WDR90: variants seen among roughly 807,000 people sequenced by gnomAD.
WDR90 encodes the protein WD repeat domain 90.
In WDR90, 238 loss-of-function variants were observed where a neutral mutation model predicts 195.2. The observed-to-expected ratio is 1.22, with a 90% CI of 1.10 to 1.36. The LOEUF is 1.36. Among genes scored for constraint, WDR90 ranks in the 40% most tolerant of loss-of-function variants. The pLI is 0.00. For synonymous variants in WDR90, 1,265 were observed against 1,052.4 expected, an observed-to-expected ratio of 1.20 and a Z score of -3.91; for missense variants, 2,734 against 2,439.5, an observed-to-expected ratio of 1.12 and a Z score of -2.54.
chr16:657,286 G>T lies in WDR90; in HGVS notation c.2473+65G>T, dbSNP rs932343348. On this transcript the variant is annotated intron_variant, in intron 20 of 40. Transcript: ENST00000293879. ...CGGGGGAGGCCTGGATCTGGTGCAG[G>T]CCCACACCTGGACACACATGCCGGT... The T allele has an allele frequency of 3.4e-6, 5 of 1,471,068 alleles. No individual in the cohort carries two copies. The African/African-American group carries it at 5.6e-5, about 17-fold the overall frequency. The allele number at this position is 1,471,068 out of a possible 1,614,324, so 91.1% of individuals were successfully genotyped here.
At position 653,961 on chromosome 16, in the gene WDR90, C is replaced by T. The variant is rs191444497; in HGVS notation, c.1437+158C>T. ...GCTCCCTGCACTCTGGTGTTCATGCCGCCCCCGTGCCCTGCACAAAAACCA... is the reference window on the plus strand; with the variant it reads ...GCTCCCTGCACTCTGGTGTTCATGCTGCCCCCGTGCCCTGCACAAAAACCA... On this transcript the variant is annotated intron_variant, in intron 13 of 40. Transcript: ENST00000293879. 116 of 899,832 alleles carry T rather than the reference C, an allele frequency of 1.3e-4. 1 individual carries two copies. The highest frequency in any genetic ancestry group is 4.6e-4 in the South Asian group (26 of 56,026). The allele number at this position is 899,832 out of a possible 1,614,324, so 55.7% of individuals were successfully genotyped here.
At chr16:651,398 C>G in intron 7 of WDR90, 132 bp downstream of exon 7, 1 of 1,198,728 alleles carries the variant, frequency 8.3e-7, no homozygotes, top group Non-Finnish European at 1.2e-6. Flanking sequence ...CAGGGAAGCC[C>G]GTAGGTTGTC....
At chr16:659,224 A>C in intron 25 of WDR90, 21 bp from the exon 26 acceptor site, 1 of 1,611,156 alleles carries the variant, frequency 6.2e-7, no homozygotes, top group Non-Finnish European at 8.5e-7. Context: ...CCCAAACATC[A>C]CAGGGCTGCT....
In WDR90 at chr16:666,609, C is replaced by T. The variant is rs758340394; in HGVS notation, c.4884+11C>T. 5.7e-5 allele frequency: 92 copies of T among 1,611,826 alleles called. 1 individual carries two copies. The South Asian group carries it at 9.3e-4, about 16-fold the overall frequency. On this transcript the variant is annotated intron_variant, in intron 38 of 40. Coordinates refer to ENST00000293879, the MANE Select transcript of WDR90 (RefSeq NM_145294.5). ...CCTGCCACCACGGAGGTAAACCATG[C>T]TCCTGGCACTGTGGGTGGGGCCGGT...
chr16:658,198 A>G lies in WDR90; in HGVS notation c.2620A>G (p.Ile874Val), dbSNP rs1048349944. 6.8e-6 allele frequency: 11 copies of G among 1,610,366 alleles called. No homozygotes were observed. The highest frequency in any genetic ancestry group is 3.3e-5 in the South Asian group (3 of 91,040). The change falls in exon 22 of 41, where the codon ATC becomes GTC. Residue 874 changes from isoleucine to valine, a missense_variant. Ile to Val is a conservative substitution (Grantham distance 29, BLOSUM62 3). Coordinates refer to ENST00000293879, the MANE Select transcript of WDR90 (RefSeq NM_145294.5). ...CTACCCCCAGCTGCTGCGAGTTGAC[A>G]TCGGCACTCTGGACCTGGCCAGCAG... ...ASLDELLRVD[I>V]GTLDLASSRL...
In WDR90 at chr16:665,508, GAC is replaced by G. The variant is rs1434770359; in HGVS notation, c.4312-164_4312-163del. ...TGGACTCACCCAGATCTAGTGCAGG[GAC>G]ACACACGGGGGCCGGCATTGCTCCT... On this transcript the variant is annotated intron_variant, in intron 34 of 40. Transcript: ENST00000293879. The G allele has an allele frequency of 2.2e-5, 22 of 1,009,312 alleles. No homozygotes were observed. The African/African-American group carries it at 3.0e-4, about 14-fold the overall frequency. The allele number at this position is 1,009,312 out of a possible 1,614,324, so 62.5% of individuals were successfully genotyped here.
Position 655,828 on chromosome 16 carries a change from C to T in WDR90, c.1905C>T (p.Gly635=), listed in dbSNP as rs2037739924. 3.8e-6 allele frequency: 6 copies of T among 1,597,720 alleles called. No homozygotes were observed. The East Asian group carries it at 1.4e-4, about 36-fold the overall frequency. The change falls in exon 17 of 41, where the codon GGC becomes GGT. Residue 635 remains glycine, a synonymous_variant. Coordinates refer to ENST00000293879, the MANE Select transcript of WDR90 (RefSeq NM_145294.5). Reference sequence around the variant, plus strand: ...TCTCCCCGGCCATGTGTGCTGTGGGCTCTGAGGACGGCTTCTTGCGGCTCT... The same window carrying T: ...TCTCCCCGGCCATGTGTGCTGTGGGTTCTGAGGACGGCTTCTTGCGGCTCT... The part of the protein sequence containing the change: ...LSVSPAMCAV[G]SEDGFLRLWP...
At position 667,693 on chromosome 16, in the gene WDR90, C is replaced by G; in HGVS notation, c.*104C>G. On this transcript the variant is annotated 3_prime_UTR_variant, in exon 41 of 41. Coordinates refer to ENST00000293879, the MANE Select transcript of WDR90 (RefSeq NM_145294.5). ...GGTTGTCAATGGCCTCATGCTGGGA[C>G]AGGCCAGGATTCACGTAAATCGCCT... The G allele has an allele frequency of 5.2e-6, 8 of 1,532,468 alleles. No homozygotes were observed. Among genetic ancestry groups the G allele is most frequent in the Non-Finnish European group, 7.1e-6 (8 of 1,134,294 alleles). 94.9% of individuals were successfully genotyped at this position (1,532,468 alleles called of 1,614,324 possible).
In WDR90 at chr16:657,072, G is replaced by A. The variant is rs2037772498; in HGVS notation, c.2343-19G>A. ...GGGCTTCGGGGCTAGGGCCAGCGGG[G>A]TCCCTGTGTGTGCTGCAGGTGCCAC... On this transcript the variant is annotated intron_variant, in intron 19 of 40. Coordinates refer to ENST00000293879, the MANE Select transcript of WDR90 (RefSeq NM_145294.5). 1 of 1,595,768 alleles carries A rather than the reference G, an allele frequency of 6.3e-7. No individual in the cohort carries two copies. The highest frequency in any genetic ancestry group is 2.3e-5 in the East Asian group (1 of 43,886).
Position 661,060 on chromosome 16 carries a change from C to T in WDR90, c.3401C>T (p.Ala1134Val), listed in dbSNP as rs1443057770. The T allele has an allele frequency of 6.4e-6, 9 of 1,412,980 alleles. No homozygotes were observed. In the Admixed American group the frequency reaches 1.1e-4, roughly 18 times the overall value. The allele number at this position is 1,412,980 out of a possible 1,614,324, so 87.5% of individuals were successfully genotyped here. Residue 1134 changes from alanine (A) to valine (V), a missense_variant, in exon 29 of 41, where the codon GCC becomes GTC. Physicochemically the swap from Ala to Val is moderately conservative, Grantham distance 64. Transcript: ENST00000293879. ...CCCTCTCTGCGCACAGGCTTCTTTG[C>T]CTACACGTGCGGCCGCCTGGTGGTG... ...MVWRPDTGFFAYTCGRLVVVE... is the reference protein window; with the variant it reads ...MVWRPDTGFFVYTCGRLVVVE...
rs188097474 is a variant in WDR90 at position 653,640 on chromosome 16, G to A, written c.1349G>A (p.Arg450Gln). The part of the protein sequence containing the change: ...FQTGRCLCLF[R>Q]SPMHVVCSLS... Reference sequence around the variant, plus strand: ...ACCGGGCGGTGCTTGTGCCTGTTCCGGAGCCCAATGCACGTTGTCTGCTCT... The same window carrying A: ...ACCGGGCGGTGCTTGTGCCTGTTCCAGAGCCCAATGCACGTTGTCTGCTCT... The change falls in exon 12 of 41, where the codon CGG becomes CAG. Residue 450 changes from arginine (R) to glutamine (Q), a missense_variant. Arg to Gln is a conservative substitution (Grantham distance 43, BLOSUM62 1). Coordinates refer to ENST00000293879, the MANE Select transcript of WDR90 (RefSeq NM_145294.5). The A allele has an allele frequency of 6.1e-5, 98 of 1,613,548 alleles. 2 individuals are homozygous for A. In the East Asian group the frequency reaches 6.5e-4, roughly 11 times the overall value.
intron 13 of WDR90, chr16:654,565 T>C (rs2037708108): frequency 6.3e-6 from 1 of 157,840 alleles, no homozygotes; most frequent in Non-Finnish European, 1.4e-5. Flanking sequence ...TTTTTGTATT[T>C]TTAGTAGAGA....
chr16:657,669 A>G (rs1235452522), intron 20 of WDR90, 93 bp from the exon 21 acceptor site: 3 of 1,419,702 alleles, frequency 2.1e-6, no homozygotes, highest in African/African-American at 2.9e-5. Context: ...GTGTTTCCCG[A>G]AAGTGGGGGC....
At position 652,467 on chromosome 16, in the gene WDR90, G is replaced by A; in HGVS notation, c.1054G>A (p.Gly352Ser). 6.2e-7 allele frequency: 1 copy of A among 1,604,824 alleles called. No homozygotes were observed. Among genetic ancestry groups the A allele is most frequent in the African/African-American group, 1.3e-5 (1 of 74,692 alleles). The change falls in exon 10 of 41, where the codon GGC (glycine) becomes AGC (serine). Residue 352 changes from glycine to serine, a missense_variant and splice_region_variant. Transcript: ENST00000293879. ...ACTTTGATGCGAATGGCTGTTTCAG[G>A]GCTTCCTCCCAGACCCAGTCCTGAG... is the stretch of plus-strand genomic sequence containing the variant. The part of the protein sequence containing the change: ...VPVARTGSCE[G>S]FLPDPVLRLK...
chr16:667,621 C>T lies in WDR90; in HGVS notation c.*32C>T, dbSNP rs762251848. The T allele has an allele frequency of 2.0e-5, 32 of 1,601,134 alleles. No homozygotes were observed. The highest frequency in any genetic ancestry group is 8.0e-5 in the African/African-American group (6 of 74,924). ...GCAGGGACTGTGGTGGTGGGCATCA[C>T]GCCTGGTCATGCCAGGCACCTGGAC... On this transcript the variant is annotated 3_prime_UTR_variant, in exon 41 of 41. Coordinates refer to ENST00000293879, the MANE Select transcript of WDR90 (RefSeq NM_145294.5).
chr16:653,618 G>A lies in WDR90; in HGVS notation c.1327G>A (p.Gly443Arg), dbSNP rs201770931. The change falls in exon 12 of 41, where the codon GGG becomes AGG. Residue 443 changes from glycine (G) to arginine (R), a missense_variant. Transcript: ENST00000293879. ...GATGCGGCTCTGGGACTTCCAGACC[G>A]GGCGGTGCTTGTGCCTGTTCCGGAG... Reference protein sequence around the residue: ...SVMRLWDFQTGRCLCLFRSPM... With the variant: ...SVMRLWDFQTRRCLCLFRSPM... 142 of 1,613,412 alleles carry A rather than the reference G, an allele frequency of 8.8e-5. 1 individual carries two copies. Among genetic ancestry groups the A allele is most frequent in the Non-Finnish European group, 1.1e-4 (133 of 1,180,014 alleles).
chr16:660,813 C>A, intron 28 of WDR90, 99 bp downstream of exon 28: 1 of 1,324,276 alleles, frequency 7.6e-7, no homozygotes, highest in Non-Finnish European at 1.0e-6. Flanking sequence ...CAAATGAGCG[C>A]CAGCCATCAG....
At chr16:665,250 A>C (rs1189506131) in intron 34 of WDR90, 2 of 342,794 alleles carry the variant, frequency 5.8e-6, no homozygotes, top group African/African-American at 2.3e-5. Flanking sequence ...GCACGGCCAC[A>C]CTCCTGTCTT....
intron 1 of WDR90, 86 bp downstream of exon 1, chr16:649,512 C>T (rs928167250): frequency 7.9e-7 from 1 of 1,262,132 alleles, no homozygotes; most frequent in East Asian, 3.2e-5. Context: ...CTCAGGGCCC[C>T]CGCCTAGGCC....
Sources: allele counts gnomAD v4.1 joint callset, GRCh38; gene constraint gnomAD v4.1.1; transcripts MANE v1.5; gene names NCBI Gene and HGNC (gene_info 2026-07-23, HGNC 2026-07-21).